Variants in FIGNL2 observed in about 807,000 individuals in gnomAD.
FIGNL2 encodes the protein fidgetin-like protein 2.
For missense variants in FIGNL2, 1,060 were observed against 950.2 expected (o/e 1.12, Z -1.52); for synonymous variants, 565 against 484.0 (o/e 1.17, Z -2.20).
chr12:51,839,440 A>G (rs1374961597), intron 1 of FIGNL2, among the ~76,000 whole-genome samples: 2 of 152,112 alleles, frequency 1.3e-5, no homozygotes, highest in African/African-American at 4.8e-5. Flanking sequence ...CATGTTCCCC[A>G]CCACAGCTGG....
chr12:51,825,187 A>G (rs1446221889), intron 1 of FIGNL2, among the ~76,000 whole-genome samples: 2 of 151,922 alleles, frequency 1.3e-5, no homozygotes, highest in Admixed American at 6.6e-5. Flanking sequence ...CCTTGATGAT[A>G]GCATTTACCC....
intron 1 of FIGNL2, among the ~76,000 whole-genome samples, chr12:51,823,268 A>G (rs1428691379): frequency 6.6e-6 from 1 of 152,246 alleles, no homozygotes; most frequent in African/African-American, 2.4e-5. Context: ...AAGACCGCGG[A>G]AAGTTAATAT....
intron 1 of FIGNL2, chr12:51,823,995 CTA>C (rs1257851952): frequency 6.6e-6 from 1 of 152,180 alleles, no homozygotes; most frequent in Admixed American, 6.5e-5. Flanking sequence ...ACCAGACAGG[CTA>C]AAGTGAGCAG....
intron 1 of FIGNL2, among the ~76,000 whole-genome samples, chr12:51,840,964 G>A (rs1171371699): frequency 6.6e-6 from 1 of 152,178 alleles, no homozygotes; most frequent in Non-Finnish European, 1.5e-5. Context: ...CCCCAAATAT[G>A]GCCCCTTCCC....
intron 1 of FIGNL2, among the ~76,000 whole-genome samples, chr12:51,831,035 C>T (rs1939452912): frequency 1.3e-5 from 2 of 151,976 alleles, no homozygotes; most frequent in Non-Finnish European, 2.9e-5. Context: ...AACTCCGGGG[C>T]TCAGGCAGCC....
Position 51,848,587 on chromosome 12 carries a change from G to C in FIGNL2, c.-59C>G. 1 of 976,714 alleles carries C rather than the reference G, an allele frequency of 1.0e-6. No individual in the cohort carries two copies. Among genetic ancestry groups the C allele is most frequent in the Non-Finnish European group, 1.2e-6 (1 of 822,592 alleles). 60.5% of individuals were successfully genotyped at this position (976,714 alleles called of 1,614,324 possible). On this transcript the variant is annotated 5_prime_UTR_variant, in exon 1 of 2. Coordinates refer to ENST00000618634, the MANE Select transcript of FIGNL2 (RefSeq NM_001384995.1). Reference sequence around the variant, plus strand: ...AGGTGAGTGTGCGCGGCCTGGGGGCGCGTCCGGCCCGGGGACCGGGGCGGC... The same window carrying C: ...AGGTGAGTGTGCGCGGCCTGGGGGCCCGTCCGGCCCGGGGACCGGGGCGGC...
At chr12:51,848,013 T>C (rs1249502804) in intron 1 of FIGNL2, 1 of 699,008 alleles carries the variant, frequency 1.4e-6, no homozygotes, top group African/African-American at 1.9e-5. Context: ...CTAAGTAGCC[T>C]CGGCCTCCTG....
intron 1 of FIGNL2, among the ~76,000 whole-genome samples, chr12:51,840,714 A>C (rs1023087739): frequency 3.3e-5 from 5 of 152,234 alleles, no homozygotes; most frequent in Non-Finnish European, 5.9e-5. Context: ...CAGCCTGGGC[A>C]ACAGAGCAAA....
At chr12:51,832,935 G>C (rs1044322425) in intron 1 of FIGNL2, among the ~76,000 whole-genome samples, 1 of 152,164 alleles carries the variant, frequency 6.6e-6, no homozygotes, top group South Asian at 2.1e-4. Context: ...GAAACCTTGC[G>C]GTCATCCTTA....
chr12:51,847,125 G>C (rs1674281176), intron 1 of FIGNL2: 1 of 985,306 alleles, frequency 1.0e-6, no homozygotes, highest in Non-Finnish European at 1.2e-6. Flanking sequence ...CCCGTCCTTG[G>C]GGGCTCAGGC....
chr12:51,837,707 C>T (rs531358524), intron 1 of FIGNL2, among the ~76,000 whole-genome samples: 12 of 152,334 alleles, frequency 7.9e-5, no homozygotes, highest in African/African-American at 2.6e-4. Context: ...TGTCTTGTCT[C>T]ACCCCAAAGC....
intron 1 of FIGNL2, among the ~76,000 whole-genome samples, chr12:51,840,155 C>T (rs911568075): frequency 1.3e-5 from 2 of 152,176 alleles, no homozygotes; most frequent in Non-Finnish European, 2.9e-5. Flanking sequence ...GCGGGGAGGG[C>T]GCAGGTGCTC....
intron 1 of FIGNL2, among the ~76,000 whole-genome samples, chr12:51,833,114 C>T (rs1939503144): frequency 6.6e-6 from 1 of 152,080 alleles, no homozygotes; most frequent in African/African-American, 2.4e-5. Context: ...GCGGCGTGAT[C>T]ACGGCTCACT....
At chr12:51,845,408 A>C in intron 1 of FIGNL2, 1 of 950,280 alleles carries the variant, frequency 1.1e-6, no homozygotes, top group Non-Finnish European at 1.3e-6. Flanking sequence ...GACCAGCCCA[A>C]GGCTAAGGTA....
chr12:51,833,193 G>A (rs1939504644), intron 1 of FIGNL2, among the ~76,000 whole-genome samples: 1 of 152,048 alleles, frequency 6.6e-6, no homozygotes, highest in South Asian at 2.1e-4. Flanking sequence ...GACCATAGGT[G>A]TGGTGGGCCA....
chr12:51,827,597 A>G (rs769674997), intron 1 of FIGNL2, among the ~76,000 whole-genome samples: 2 of 152,170 alleles, frequency 1.3e-5, no homozygotes, highest in Non-Finnish European at 2.9e-5. Context: ...GATAATGTAT[A>G]TAATGGACAC....
In FIGNL2 at chr12:51,821,099, C is replaced by A. The variant is rs942935925; in HGVS notation, c.1315G>T (p.Ala439Ser). ...LLFGPRGAGK[A>S]LLGRCLATQL... Reference sequence around the variant, plus strand: ...GTGGCGAGGCAGCGGCCCAGCAGCGCTTTGCCCGCGCCCCGCGGCCCAAAG... The same window carrying A: ...GTGGCGAGGCAGCGGCCCAGCAGCGATTTGCCCGCGCCCCGCGGCCCAAAG... The change falls in exon 2 of 2, where the codon GCG (alanine) becomes TCG (serine). Residue 439 changes from alanine (A) to serine (S), a missense_variant. Coordinates refer to ENST00000618634, the MANE Select transcript of FIGNL2 (RefSeq NM_001384995.1). 2 of 1,371,080 alleles carry A rather than the reference C, an allele frequency of 1.5e-6. No individual in the cohort carries two copies. Among genetic ancestry groups the A allele is most frequent in the South Asian group, 1.7e-5 (1 of 58,908 alleles). 84.9% of individuals were successfully genotyped at this position (1,371,080 alleles called of 1,614,324 possible). A position where few individuals can be genotyped will look rare whatever the true frequency, so the allele number is the denominator to read the frequency against.
intron 1 of FIGNL2, among the ~76,000 whole-genome samples, chr12:51,834,731 G>T (rs564696474): frequency 6.6e-6 from 1 of 152,214 alleles, no homozygotes; most frequent in East Asian, 1.9e-4. Context: ...CTGTGTCCGC[G>T]GTCAGGGCCA....
At chr12:51,823,737 T>C (rs1939274386) in intron 1 of FIGNL2, among the ~76,000 whole-genome samples, 1 of 152,232 alleles carries the variant, frequency 6.6e-6, no homozygotes, top group African/African-American at 2.4e-5. Context: ...AGTTAACAGG[T>C]TCACGTATTC....
Sources: allele counts gnomAD v4.1 joint callset (sites outside exome capture counted in the v4.1 genomes callset), GRCh38; gene constraint gnomAD v4.1.1; transcripts MANE v1.5; gene names NCBI Gene and HGNC (gene_info 2026-07-23, HGNC 2026-07-21).